YY1AP1: variants seen among roughly 807,000 people sequenced by gnomAD.
The protein encoded by YY1AP1 is YY1 associated protein 1, also known as YY1-associated protein 1.
Under a neutral mutation model 39.9 loss-of-function variants are expected in YY1AP1, and 43 were observed. The observed-to-expected ratio is 1.08, with a 90% CI of 0.84 to 1.39. YY1AP1 has a LOEUF of 1.39. Ranked by LOEUF, YY1AP1 falls within the 40% of genes most tolerant of loss-of-function variation. The probability of loss-of-function intolerance (pLI) is 0.00; values close to 1 mark genes in which losing one functional copy is unlikely to be tolerated. For synonymous variants in YY1AP1, 292 were observed against 331.3 expected (o/e 0.88, Z 1.29); for missense variants, 813 against 900.7 (o/e 0.90, Z 1.25).
chr1:155,684,419 T>C (rs769244034), intron 2 of YY1AP1, among the ~76,000 whole-genome samples: 17 of 151,870 alleles, frequency 1.1e-4, no homozygotes, highest in Non-Finnish European at 2.5e-4. Flanking sequence ...TTAGAGAAAA[T>C]ATTAAACTTT....
intron 10 of YY1AP1, 39 bp from the exon 11 acceptor site, chr1:155,660,952 G>C (rs1648004348): frequency 6.2e-7 from 1 of 1,613,212 alleles, no homozygotes; most frequent in African/African-American, 1.3e-5. Context: ...GCACATGTCA[G>C]AATTTGGGAA....
Position 155,660,159 on chromosome 1 carries a change from C to G in YY1AP1, c.1751G>C (p.Ser584Thr). ...GGTGGCGATGGGAATAGTCTGGGGA[C>G]TCTGGGCCACAGCCGCATTGACAGG... ...IQPVNAAVAQ[S>T]PQTIPIATLL... is the part of the protein sequence containing the mutation. The change falls in exon 11 of 11, where the codon AGT becomes ACT. Residue 584 changes from serine to threonine, a missense_variant. Physicochemically the swap from Ser to Thr is moderately conservative, Grantham distance 58. Coordinates refer to ENST00000355499, the MANE Select transcript of YY1AP1 (RefSeq NM_139119.3). 1 of 1,614,142 alleles carries G rather than the reference C, an allele frequency of 6.2e-7. No individual in the cohort carries two copies. Among genetic ancestry groups the G allele is most frequent in the Non-Finnish European group, 8.5e-7 (1 of 1,180,024 alleles).
chr1:155,686,155 C>A (rs111709506), intron 2 of YY1AP1, among the ~76,000 whole-genome samples: 243 of 151,258 alleles, frequency 1.6e-3, no homozygotes, highest in African/African-American at 5.7e-3. Flanking sequence ...CTGCCTCAGC[C>A]TCCCCGAGTA....
At chr1:155,661,068 C>T in intron 10 of YY1AP1, 155 bp from the exon 11 acceptor site, 1 of 1,479,086 alleles carries the variant, frequency 6.8e-7, no homozygotes, top group South Asian at 1.3e-5. Context: ...CAATTATACA[C>T]TTTAGAAACT....
At chr1:155,669,409 G>C (rs572263181) in intron 8 of YY1AP1, among the ~76,000 whole-genome samples, 1 of 152,168 alleles carries the variant, frequency 6.6e-6, no homozygotes, top group East Asian at 1.9e-4. Flanking sequence ...GAAAATTTCA[G>C]GTATTTAGTG....
chr1:155,659,706 A>T lies in YY1AP1; in HGVS notation c.2204T>A (p.Val735Asp). ...TGTAGCATCTTCAGGTTCCATCTTG[A>T]CAACTTCCTCTAAATCCCCAGGGGA... ...NSSPGDLEEVVKMEPEDATEE... is the reference protein window; with the variant it reads ...NSSPGDLEEVDKMEPEDATEE... The change falls in exon 11 of 11, where the codon GTC (valine) becomes GAC (aspartate). Residue 735 changes from valine to aspartate, a missense_variant. Val to Asp is a radical substitution (Grantham distance 152, BLOSUM62 -3). Transcript: ENST00000355499. 1 of 1,614,186 alleles carries T rather than the reference A, an allele frequency of 6.2e-7. No individual in the cohort carries two copies. The highest frequency in any genetic ancestry group is 8.5e-7 in the Non-Finnish European group (1 of 1,180,032).
intron 2 of YY1AP1, among the ~76,000 whole-genome samples, chr1:155,684,570 CTT>C (rs539654881): frequency 2.8e-4 from 39 of 137,106 alleles, no homozygotes; most frequent in Admixed American, 3.7e-4. Flanking sequence ...ACATTTCTTG[CTT>C]TTTTTTTTTT....
intron 4 of YY1AP1, chr1:155,679,186 C>T: frequency 6.7e-7 from 1 of 1,490,692 alleles, no homozygotes. Flanking sequence ...ATGCCAGCTA[C>T]TGTTTTTTCT....
At chr1:155,683,135 T>C (rs1371166348) in intron 2 of YY1AP1, among the ~76,000 whole-genome samples, 1 of 151,894 alleles carries the variant, frequency 6.6e-6, no homozygotes, top group Non-Finnish European at 1.5e-5. Context: ...GAAAAATAAT[T>C]ATATTTCAGG....
At chr1:155,677,124 C>T (rs1650811653) in intron 4 of YY1AP1, among the ~76,000 whole-genome samples, 1 of 152,130 alleles carries the variant, frequency 6.6e-6, no homozygotes, top group Non-Finnish European at 1.5e-5. Flanking sequence ...ATGTTACTCC[C>T]ATCCCAGGTC....
chr1:155,668,901 T>C (rs893401717), intron 8 of YY1AP1, 124 bp from the exon 9 acceptor site: 1 of 1,424,626 alleles, frequency 7.0e-7, no homozygotes, highest in African/African-American at 1.4e-5. Flanking sequence ...TCTCACTCTG[T>C]CACCTGGGCT....
chr1:155,676,826 G>C, intron 4 of YY1AP1, 80 bp from the exon 5 acceptor site: 3 of 1,417,354 alleles, frequency 2.1e-6, no homozygotes, highest in Non-Finnish European at 3.0e-6. Flanking sequence ...GATGAGCAAA[G>C]AGCCTGAACA....
intron 5 of YY1AP1, among the ~76,000 whole-genome samples, chr1:155,675,602 G>A (rs1234976616): frequency 2.6e-5 from 4 of 151,946 alleles, no homozygotes; most frequent in Admixed American, 2.6e-4. Flanking sequence ...GGGATTACAG[G>A]TGTGAGCCAC....
At chr1:155,676,822 C>T in intron 4 of YY1AP1, 76 bp from the exon 5 acceptor site, 1 of 1,449,548 alleles carries the variant, frequency 6.9e-7, no homozygotes, top group Non-Finnish European at 9.6e-7. Context: ...CAATGATGAG[C>T]AAAGAGCCTG....
At chr1:155,663,263 CGGGAGGCTG>C (rs1648443334) in intron 9 of YY1AP1, among the ~76,000 whole-genome samples, 1 of 149,652 alleles carries the variant, frequency 6.7e-6, no homozygotes, top group Non-Finnish European at 1.5e-5. Flanking sequence ...CTCAGCTACT[CGGGAGGCTG>C]AGGCACGAGA....
intron 9 of YY1AP1, among the ~76,000 whole-genome samples, chr1:155,664,402 A>G (rs964308481): frequency 6.6e-6 from 1 of 152,190 alleles, no homozygotes; most frequent in Non-Finnish European, 1.5e-5. Context: ...AGAGCTATAC[A>G]TATAAACAAG....
At chr1:155,666,788 T>G (rs959540655) in intron 9 of YY1AP1, among the ~76,000 whole-genome samples, 1 of 152,016 alleles carries the variant, frequency 6.6e-6, no homozygotes, top group Non-Finnish European at 1.5e-5. Context: ...TCACCTGAGA[T>G]CAGGAGTTCA....
chr1:155,666,128 C>CT (rs1446016475), intron 9 of YY1AP1, among the ~76,000 whole-genome samples: 2 of 139,588 alleles, frequency 1.4e-5, no homozygotes, highest in African/African-American at 5.2e-5. Flanking sequence ...TCCTTAAAAT[C>CT]TATTTTTTTT....
chr1:155,676,139 G>A (rs1010669903), intron 5 of YY1AP1, among the ~76,000 whole-genome samples: 13 of 151,824 alleles, frequency 8.6e-5, no homozygotes, highest in Non-Finnish European at 1.3e-4. Flanking sequence ...GGAGAATGGC[G>A]TGAACCCGGG....
Sources: gnomAD v4.1 joint callset for allele counts (sites outside exome capture counted in the v4.1 genomes callset) on GRCh38, gnomAD v4.1.1 for gene constraint, MANE v1.5 for transcripts, NCBI Gene and HGNC (gene_info 2026-07-23, HGNC 2026-07-21) for gene names.